The following SERHL2 variants were observed in gnomAD, a reference collection of about 807,000 sequenced individuals.
SERHL2 encodes the protein serine hydrolase like 2.
In SERHL2, 29 loss-of-function variants were observed where a neutral mutation model predicts 25.5. The observed-to-expected ratio is 1.14, with a 90% CI of 0.85 to 1.55. The LOEUF (loss-of-function observed/expected upper bound fraction) is 1.55, where lower values mean the gene tolerates loss of function less well. Among genes scored for constraint, SERHL2 ranks in the 40% most tolerant of loss-of-function variants. The pLI is 0.00. For missense variants in SERHL2, 240 were observed against 252.3 expected, an observed-to-expected ratio of 0.95 and a Z score of 0.33; for synonymous variants, 95 against 103.5, an observed-to-expected ratio of 0.92 and a Z score of 0.50.
intron 8 of SERHL2, chr22:42,563,468 T>C (rs898039074): frequency 2.3e-6 from 1 of 442,890 alleles, no homozygotes; most frequent in Non-Finnish European, 4.5e-6. Flanking sequence ...CCTCCCAAAA[T>C]GGTAGGATTA....
chr22:42,565,738 G>A (rs1487690523), intron 8 of SERHL2, among the ~76,000 whole-genome samples: 1 of 151,830 alleles, frequency 6.6e-6, no homozygotes, highest in Non-Finnish European at 1.5e-5. Context: ...ACAGGTGCCT[G>A]ACCTCCTGCT....
intron 9 of SERHL2, 56 bp from the exon 10 acceptor site, chr22:42,571,065 C>T: frequency 1.2e-6 from 2 of 1,610,642 alleles, no homozygotes; most frequent in Non-Finnish European, 1.7e-6. Flanking sequence ...GGGTTTCGTG[C>T]CCACGAGAGT....
intron 8 of SERHL2, among the ~76,000 whole-genome samples, chr22:42,560,974 T>C (rs1339932801): frequency 6.6e-6 from 1 of 151,664 alleles, no homozygotes; most frequent in East Asian, 1.9e-4. Context: ...CGACTGTCCC[T>C]CTCTCAGTGG....
intron 8 of SERHL2, among the ~76,000 whole-genome samples, chr22:42,561,156 A>C (rs1267298450): frequency 6.6e-6 from 1 of 151,962 alleles, no homozygotes; most frequent in East Asian, 1.9e-4. Context: ...AATGAAGGAA[A>C]TACATGGTGC....
Position 42,573,985 on chromosome 22 carries a change from A to C in SERHL2, c.875A>C (p.Glu292Ala). The change falls in exon 12 of 12, where the codon GAA (glutamate) becomes GCA (alanine). Residue 292 changes from glutamate to alanine, a missense_variant. Physicochemically the swap from Glu to Ala is moderately radical, Grantham distance 107. This residue lies in a region of SERHL2 where 212 missense variants were observed against 168.9 expected (regional missense o/e 1.25). Coordinates refer to ENST00000327678, the MANE Select transcript of SERHL2 (RefSeq NM_014509.5). Reference protein sequence around the residue: ...VPGNHCVHMSEPQHVASIISS... With the variant: ...VPGNHCVHMSAPQHVASIISS... ...GGCAATCACTGTGTCCACATGAGCG[A>C]ACCCCAGCACGTGGCCAGTATCATC... 1.2e-6 allele frequency: 2 copies of C among 1,608,220 alleles called. No individual in the cohort carries two copies. Among genetic ancestry groups the C allele is most frequent in the Non-Finnish European group, 1.7e-6 (2 of 1,176,438 alleles).
chr22:42,574,110 T>C lies in SERHL2; in HGVS notation c.*55T>C, dbSNP rs1356867457. On this transcript the variant is annotated 3_prime_UTR_variant, in exon 12 of 12. Transcript: ENST00000327678. ...GCTCCCAGACTCAACACTGGGACTC[T>C]GAGTTCCTGAGCCCCACAACAAGGC... The C allele has an allele frequency of 6.6e-7, 1 of 1,508,272 alleles. No individual in the cohort carries two copies. Among genetic ancestry groups the C allele is most frequent in the Non-Finnish European group, 9.2e-7 (1 of 1,090,862 alleles). 93.4% of individuals were successfully genotyped at this position (1,508,272 alleles called of 1,614,324 possible). A position where few individuals can be genotyped will look rare whatever the true frequency, so the allele number is the denominator to read the frequency against.
chr22:42,559,563 G>A (rs1412963774), intron 7 of SERHL2, among the ~76,000 whole-genome samples: 2 of 151,626 alleles, frequency 1.3e-5, no homozygotes, highest in African/African-American at 2.4e-5. Flanking sequence ...TTAGCCAAGC[G>A]TGGTGGTGGC....
At chr22:42,563,445 C>T (rs539164022) in intron 8 of SERHL2, 100 of 443,222 alleles carry the variant, frequency 2.3e-4, no homozygotes, top group African/African-American at 1.9e-3. Context: ...CTCAAGCGAT[C>T]CTACTGACTC....
Position 42,574,186 on chromosome 22 carries a change from G to C in SERHL2, c.*131G>C. 1.3e-6 allele frequency: 1 copy of C among 766,186 alleles called. No homozygotes were observed. Among genetic ancestry groups the C allele is most frequent in the Non-Finnish European group, 2.2e-6 (1 of 462,900 alleles). 47.5% of individuals were successfully genotyped at this position (766,186 alleles called of 1,614,324 possible). Reference sequence around the variant, plus strand: ...TAGTCTTGAGGCCCAGCCTAGGATGGTAGTCAGGGGAAGGAGCGAGATTCC... The same window carrying C: ...TAGTCTTGAGGCCCAGCCTAGGATGCTAGTCAGGGGAAGGAGCGAGATTCC... On this transcript the variant is annotated 3_prime_UTR_variant, in exon 12 of 12. Coordinates refer to ENST00000327678, the MANE Select transcript of SERHL2 (RefSeq NM_014509.5).
intron 8 of SERHL2, among the ~76,000 whole-genome samples, chr22:42,562,547 G>A (rs778701935): frequency 2.5e-4 from 38 of 151,952 alleles, no homozygotes; most frequent in Admixed American, 1.5e-3. Context: ...CGTGGAGGAC[G>A]CAGAGTGGGG....
At chr22:42,562,030 G>A (rs1462762999) in intron 8 of SERHL2, among the ~76,000 whole-genome samples, 1 of 151,798 alleles carries the variant, frequency 6.6e-6, no homozygotes, top group African/African-American at 2.4e-5. Context: ...AGGGGGGTGA[G>A]GGAACAGGCA....
At chr22:42,566,126 T>G (rs1247114440) in intron 8 of SERHL2, among the ~76,000 whole-genome samples, 178 bp from the exon 9 acceptor site, 1 of 152,056 alleles carries the variant, frequency 6.6e-6, no homozygotes, top group East Asian at 1.9e-4. Context: ...GGCTGTGGTC[T>G]AGCCCTGCTC....
chr22:42,571,369 G>T, intron 10 of SERHL2, 166 bp downstream of exon 10: 1 of 1,455,498 alleles, frequency 6.9e-7, no homozygotes, highest in Non-Finnish European at 9.1e-7. Flanking sequence ...GGTCATGGAA[G>T]GAGGAAGGTC....
At chr22:42,569,419 C>T (rs938692952) in intron 9 of SERHL2, 3 of 151,740 alleles carry the variant, frequency 2.0e-5, no homozygotes, top group Admixed American at 1.3e-4. Context: ...ACACCATGCC[C>T]AGCTAATTTG....
intron 8 of SERHL2, among the ~76,000 whole-genome samples, chr22:42,560,773 T>A (rs1922586514): frequency 6.6e-6 from 1 of 151,976 alleles, no homozygotes; most frequent in African/African-American, 2.4e-5. Flanking sequence ...TCTCGCTCTG[T>A]CACCTAGGCT....
rs185142738 is a variant in SERHL2, at chr22:42,572,740, T to C, written c.825+211T>C. Reference sequence around the variant, plus strand: ...TCAGAATTAAGGAAACAGAGACCTTTGGTGGGGAACCCCTGCCAGGTTCAA... The same window carrying C: ...TCAGAATTAAGGAAACAGAGACCTTCGGTGGGGAACCCCTGCCAGGTTCAA... On this transcript the variant is annotated intron_variant, in intron 11 of 11. Coordinates refer to ENST00000327678, the MANE Select transcript of SERHL2 (RefSeq NM_014509.5). The C allele has an allele frequency of 3.4e-4, 333 of 984,458 alleles. 6 individuals carry two copies. Among genetic ancestry groups the C allele is most frequent in the African/African-American group, 1.4e-3 (78 of 57,332 alleles). The allele number at this position is 984,458 out of a possible 1,614,324, so 61.0% of individuals were successfully genotyped here. A position where few individuals can be genotyped will look rare whatever the true frequency, so the allele number is the denominator to read the frequency against.
intron 7 of SERHL2, among the ~76,000 whole-genome samples, chr22:42,559,403 C>T (rs137017): frequency 2.6e-5 from 4 of 151,292 alleles, no homozygotes; most frequent in Admixed American, 2.0e-4. Context: ...GAGACCCTGT[C>T]TCAATTAGAA....
chr22:42,561,298 T>A (rs1569275891), intron 8 of SERHL2, among the ~76,000 whole-genome samples: 1 of 151,838 alleles, frequency 6.6e-6, no homozygotes, highest in African/African-American at 2.4e-5. Flanking sequence ...AACACAACTT[T>A]GCTTCCTGAC....
In SERHL2 at chr22:42,572,437, G is replaced by A. The variant is rs776612684; in HGVS notation, c.733G>A (p.Ala245Thr). ...KLQAHVLLIK[A>T]VHGYFDSRQN... The stretch of plus-strand genomic sequence containing the variant: ...AACCCCCAACTCCTCACTTTCCAGA[G>A]CAGTCCACGGATATTTTGATTCAAG... Residue 245 changes from alanine (A) to threonine (T), a missense_variant and splice_region_variant, in exon 11 of 12, where the codon GCA becomes ACA. Transcript: ENST00000327678. The A allele has an allele frequency of 8.7e-6, 14 of 1,607,840 alleles. No homozygotes were observed. Among genetic ancestry groups the A allele is most frequent in the Non-Finnish European group, 1.1e-5 (13 of 1,174,992 alleles).
Sources: gnomAD v4.1 joint callset for allele counts (sites outside exome capture counted in the v4.1 genomes callset) on GRCh38, gnomAD v4.1.1 for gene constraint, gnomAD v4.1.1 regional missense constraint, MANE v1.5 for transcripts, NCBI Gene and HGNC (gene_info 2026-07-23, HGNC 2026-07-21) for gene names.